The following KIN variants were observed in gnomAD, a reference collection of about 807,000 sequenced individuals.
KIN encodes the protein Kin17 DNA and RNA binding protein, also known as DNA/RNA-binding protein KIN17.
Under a neutral mutation model 63.0 loss-of-function variants are expected in KIN, and 47 were observed. That is an observed-to-expected ratio of 0.75 (90% confidence interval 0.59 to 0.95). The LOEUF (loss-of-function observed/expected upper bound fraction) is 0.95, where lower values mean the gene tolerates loss of function less well. KIN is among the 40% of genes least tolerant of loss of function. The pLI is 0.00. For missense variants in KIN, 408 were observed against 460.9 expected (o/e 0.89, Z 1.05); for synonymous variants, 160 against 157.7 (o/e 1.01, Z -0.11).
chr10:7,761,945 A>G (rs923523395), intron 11 of KIN, among the ~76,000 whole-genome samples: 4 of 152,126 alleles, frequency 2.6e-5, no homozygotes, highest in African/African-American at 9.7e-5. Flanking sequence ...AGGTTGCAGT[A>G]AGTCAAGATC....
intron 12 of KIN, among the ~76,000 whole-genome samples, chr10:7,758,870 T>C (rs1835385208): frequency 6.6e-6 from 1 of 152,052 alleles, no homozygotes; most frequent in Non-Finnish European, 1.5e-5. Context: ...TTTCTTCCCC[T>C]TAGTTTACGT....
intron 10 of KIN, among the ~76,000 whole-genome samples, chr10:7,763,024 G>A (rs1835467713): frequency 6.6e-6 from 1 of 152,186 alleles, no homozygotes; most frequent in Non-Finnish European, 1.5e-5. Context: ...GGGAGGCTGA[G>A]GCAGGTAGAT....
rs758301079 is a variant in KIN, at chr10:7,751,202, C to G, written c.*4878G>C. 3.1e-4 allele frequency: 47 copies of G among 152,232 alleles called. No homozygotes were observed. The highest frequency in any genetic ancestry group is 1.0e-3 in the African/African-American group (43 of 41,564). The allele number at this position is 152,232 out of a possible 1,614,324, so 9.4% of individuals were successfully genotyped here. A position where few individuals can be genotyped will look rare whatever the true frequency, so the allele number is the denominator to read the frequency against. ...TTAAAAAATCAATTCCTAAAATGAA[C>G]GTATTTTCAAAAGTCAAATTGGTGA... is the stretch of plus-strand genomic sequence containing the variant. On this transcript the variant is annotated 3_prime_UTR_variant, in exon 13 of 13. Transcript: ENST00000379562.
chr10:7,762,804 A>T (rs978887675), intron 10 of KIN, among the ~76,000 whole-genome samples: 1 of 152,214 alleles, frequency 6.6e-6, no homozygotes, highest in African/African-American at 2.4e-5. Flanking sequence ...GTCCTGGAAT[A>T]AGACTTTAAG....
intron 7 of KIN, 48 bp from the exon 8 acceptor site, chr10:7,769,393 G>A (rs542125978): frequency 1.7e-5 from 26 of 1,572,786 alleles, no homozygotes; most frequent in South Asian, 8.2e-5. Context: ...ATACACAGAC[G>A]AATGCTTTAC....
At chr10:7,765,231 C>A (rs1394312345) in intron 9 of KIN, among the ~76,000 whole-genome samples, 3 of 150,752 alleles carry the variant, frequency 2.0e-5, no homozygotes, top group Non-Finnish European at 4.4e-5. Context: ...GAAGTCGAGG[C>A]AGGAGGATCA....
chr10:7,777,373 G>A (rs1056028306), intron 5 of KIN, among the ~76,000 whole-genome samples: 20 of 152,002 alleles, frequency 1.3e-4, no homozygotes, highest in Non-Finnish European at 4.4e-5. Flanking sequence ...GAAACCCTCT[G>A]GGATACTAGA....
intron 2 of KIN, among the ~76,000 whole-genome samples, chr10:7,780,662 A>T (rs771919673): frequency 9.2e-5 from 14 of 152,320 alleles, no homozygotes; most frequent in South Asian, 6.2e-4. Context: ...CAGCCTCCCA[A>T]GGTGCTGGGA....
intron 7 of KIN, among the ~76,000 whole-genome samples, chr10:7,773,841 T>C (rs776786233): frequency 3.9e-5 from 6 of 152,258 alleles, no homozygotes; most frequent in Non-Finnish European, 8.8e-5. Context: ...ACTCATCTTT[T>C]TTAACCTCCA....
At chr10:7,763,149 G>A (rs541854142) in intron 10 of KIN, among the ~76,000 whole-genome samples, 15 of 152,196 alleles carry the variant, frequency 9.9e-5, no homozygotes, top group Admixed American at 6.5e-4. Context: ...CCAGCTACTC[G>A]GGAGGCTGAG....
rs1835288504 is a variant in KIN at position 7,754,271 on chromosome 10, G to A, written c.*1809C>T. 1 of 348,988 alleles carries A rather than the reference G, an allele frequency of 2.9e-6. No homozygotes were observed. The highest frequency in any genetic ancestry group is 2.2e-5 in the African/African-American group (1 of 46,092). The allele number at this position is 348,988 out of a possible 1,614,324, so 21.6% of individuals were successfully genotyped here. Reference sequence around the variant, plus strand: ...AATGACCTAAGCCCAGGAGGACGAGGCTGCAGTGAGCCATGATTGTGCCAC... The same window carrying A: ...AATGACCTAAGCCCAGGAGGACGAGACTGCAGTGAGCCATGATTGTGCCAC... On this transcript the variant is annotated 3_prime_UTR_variant, in exon 13 of 13. Transcript: ENST00000379562.
Position 7,780,482 on chromosome 10 carries a change from C to T in KIN, c.210-175G>A, listed in dbSNP as rs189898296. On this transcript the variant is annotated intron_variant, in intron 2 of 12. Coordinates refer to ENST00000379562, the MANE Select transcript of KIN (RefSeq NM_012311.4). ...TGATCTCAGCTCATTGCAACCTCCA[C>T]TTCCCAGGTTCAAGTGATTCTCTTG... Among the ~76,000 whole-genome samples the T allele has an allele frequency of 1.2e-3, 179 of 152,268 alleles. 1 individual carries two copies. Among genetic ancestry groups the T allele is most frequent in the East Asian group, 7.0e-3 (36 of 5,174 alleles).
chr10:7,756,213 C>G, intron 12 of KIN, 71 bp from the exon 13 acceptor site: 1 of 844,464 alleles, frequency 1.2e-6, no homozygotes, highest in South Asian at 2.0e-5. Flanking sequence ...TGACACCATA[C>G]TTATGGATAC....
At chr10:7,786,066 T>C (rs79346715) in intron 1 of KIN, among the ~76,000 whole-genome samples, 3,075 of 152,324 alleles carry the variant, frequency 0.02, 39 homozygotes, top group Middle Eastern at 0.034. Context: ...ATGATACTGA[T>C]GTGTCAATGT....
chr10:7,787,739 CCCTCAGCCCCGCGT>C, intron 1 of KIN, 67 bp downstream of exon 1: 2 of 1,107,294 alleles, frequency 1.8e-6, no homozygotes, highest in Non-Finnish European at 2.7e-6. Flanking sequence ...CAGCCCCGCG[CCCTCAGCCCCGCGT>C]CCAGGACCTG....
chr10:7,787,724 A>G, intron 1 of KIN, 96 bp downstream of exon 1: 2 of 908,970 alleles, frequency 2.2e-6, no homozygotes, highest in Non-Finnish European at 3.6e-6. Flanking sequence ...GGACCCCGGG[A>G]GCCCCAGCCC....
At chr10:7,787,728 CCAGCCCCGCGCCCT>C (rs1157357296) in intron 1 of KIN, 78 bp downstream of exon 1, 4 of 997,636 alleles carry the variant, frequency 4.0e-6, no homozygotes, top group South Asian at 3.8e-5. Context: ...CCCGGGAGCC[CCAGCCCCGCGCCCT>C]CAGCCCCGCG....
intron 7 of KIN, among the ~76,000 whole-genome samples, chr10:7,771,945 T>C (rs1295629707): frequency 6.6e-6 from 1 of 150,596 alleles, no homozygotes; most frequent in Admixed American, 6.6e-5. Context: ...CTCAGCATCA[T>C]TAAATGCTTA....
intron 2 of KIN, 59 bp downstream of exon 2, chr10:7,783,022 T>A: frequency 1.3e-6 from 1 of 764,178 alleles, no homozygotes; most frequent in Non-Finnish European, 2.1e-6. Context: ...ATATTAACCA[T>A]CTATTAAATG....
Sources: allele counts gnomAD v4.1 joint callset (sites outside exome capture counted in the v4.1 genomes callset), GRCh38; gene constraint gnomAD v4.1.1; transcripts MANE v1.5; gene names NCBI Gene and HGNC (gene_info 2026-07-23, HGNC 2026-07-21).